Variants in ST7 observed in about 807,000 individuals in gnomAD.
ST7 encodes the protein suppressor of tumorigenicity 7 protein.
ST7 carries 28 observed loss-of-function variants against 78.7 expected under a neutral mutation model. The ratio of observed to expected loss-of-function variants is 0.36; its 90% CI spans 0.26 to 0.49. The LOEUF (loss-of-function observed/expected upper bound fraction) is 0.49, where lower values mean the gene tolerates loss of function less well. Among genes scored for constraint, ST7 ranks in the 20% least tolerant of loss-of-function variants. The pLI is 0.99. For synonymous variants in ST7, 247 were observed against 249.6 expected (o/e 0.99, Z 0.10); for missense variants, 418 against 696.0 (o/e 0.60, Z 4.49).
chr7:116,996,279 C>T (rs1368200820), intron 1 of ST7, among the ~76,000 whole-genome samples: 1 of 152,070 alleles, frequency 6.6e-6, no homozygotes, highest in Non-Finnish European at 1.5e-5. Context: ...GATGGGGTTT[C>T]ACTGTGTTAG....
At chr7:117,177,581 A>G (rs1808436418) in intron 10 of ST7, among the ~76,000 whole-genome samples, 1 of 152,188 alleles carries the variant, frequency 6.6e-6, no homozygotes, top group Non-Finnish European at 1.5e-5. Context: ...TTGGCTTTGT[A>G]GCGTAAGACG....
intron 10 of ST7, among the ~76,000 whole-genome samples, chr7:117,179,681 T>C (rs1808597740): frequency 6.6e-6 from 1 of 151,660 alleles, no homozygotes; most frequent in Non-Finnish European, 1.5e-5. Context: ...AGAAGATGCC[T>C]TGGGTGAGTT....
chr7:117,053,253 A>G (rs1240329776), intron 1 of ST7, among the ~76,000 whole-genome samples: 1 of 152,224 alleles, frequency 6.6e-6, no homozygotes, highest in Non-Finnish European at 1.5e-5. Flanking sequence ...CCAGGCAGCT[A>G]TAGAATAATG....
intron 1 of ST7, among the ~76,000 whole-genome samples, chr7:117,037,630 T>C (rs769113493): frequency 3.3e-5 from 5 of 152,210 alleles, no homozygotes; most frequent in Non-Finnish European, 7.3e-5. Flanking sequence ...TTTTTTTCTA[T>C]TGTTCTCGTG....
chr7:117,020,348 T>C (rs1405463047), intron 1 of ST7: 15 of 474,660 alleles, frequency 3.2e-5, no homozygotes, highest in Non-Finnish European at 3.7e-6. Context: ...ATTTGCCTAG[T>C]GGATTTTCAA....
At chr7:117,001,962 A>G (rs1006260099) in intron 1 of ST7, among the ~76,000 whole-genome samples, 1 of 152,196 alleles carries the variant, frequency 6.6e-6, no homozygotes, top group Non-Finnish European at 1.5e-5. Flanking sequence ...GTGGTGGCTC[A>G]CGCCTGTAAT....
intron 1 of ST7, chr7:117,023,094 G>A (rs574506447): frequency 2.0e-5 from 3 of 152,280 alleles, no homozygotes; most frequent in Admixed American, 6.5e-5. Flanking sequence ...GCCTGTAAGA[G>A]AAGGAAATGT....
chr7:117,138,661 A>T (rs1039810005), intron 9 of ST7, 129 bp downstream of exon 9: 14 of 558,382 alleles, frequency 2.5e-5, no homozygotes, highest in Non-Finnish European at 3.8e-5. Context: ...GTGGGGTTCA[A>T]CTCTAGTTCC....
At chr7:117,229,202 G>A (rs765804151) in intron 15 of ST7, among the ~76,000 whole-genome samples, 10 of 152,210 alleles carry the variant, frequency 6.6e-5, no homozygotes, top group African/African-American at 1.2e-4. Context: ...GGAATAGCCC[G>A]TTTGCCGCCT....
chr7:117,225,302 T>TG (rs1291125822), intron 15 of ST7, among the ~76,000 whole-genome samples: 1 of 152,206 alleles, frequency 6.6e-6, no homozygotes, highest in Non-Finnish European at 1.5e-5. Context: ...AATCTGCCTT[T>TG]AGGGTCCTCA....
intron 9 of ST7, among the ~76,000 whole-genome samples, chr7:117,154,802 G>T (rs776788333): frequency 6.6e-6 from 1 of 152,118 alleles, no homozygotes; most frequent in Non-Finnish European, 1.5e-5. Context: ...TAGGGTGAGG[G>T]TGTTGCTATG....
intron 9 of ST7, chr7:117,146,248 T>C (rs1307151187): frequency 6.6e-6 from 1 of 152,230 alleles, no homozygotes; most frequent in Non-Finnish European, 1.5e-5. Flanking sequence ...TAAAGGCATA[T>C]GTGACTGAAG....
chr7:117,222,128 G>C (rs574448412), intron 15 of ST7, 66 bp downstream of exon 15: 2 of 1,521,664 alleles, frequency 1.3e-6, no homozygotes, highest in Non-Finnish European at 1.7e-6. Flanking sequence ...TAAAAGCAGC[G>C]TGAGAGAAAT....
chr7:117,189,495 C>T lies in ST7; in HGVS notation c.1151+102C>T, dbSNP rs1010373186. ...AAGTTTCTCTTAGGCTATGAGACCC[C>T]TGCTTATAAGCATGCATTTTCCAAA... is the stretch of plus-strand genomic sequence containing the variant. On this transcript the variant is annotated intron_variant, in intron 11 of 15. Coordinates refer to ENST00000323984, the MANE Select transcript of ST7 (RefSeq NM_001369598.1). 6.9e-5 allele frequency: 57 copies of T among 820,630 alleles called. No individual in the cohort carries two copies. The African/African-American group carries it at 8.5e-4, about 12-fold the overall frequency. The allele number at this position is 820,630 out of a possible 1,614,324, so 50.8% of individuals were successfully genotyped here.
intron 1 of ST7, among the ~76,000 whole-genome samples, chr7:117,001,638 G>A (rs1464157434): frequency 6.6e-6 from 1 of 152,170 alleles, no homozygotes; most frequent in Non-Finnish European, 1.5e-5. Context: ...TATATCTTAT[G>A]TAATTGTCAT....
intron 1 of ST7, chr7:116,957,268 C>T (rs1415727175): frequency 6.6e-6 from 1 of 151,990 alleles, no homozygotes; most frequent in Non-Finnish European, 1.5e-5. Context: ...TTAACATTGG[C>T]AATCACATCT....
chr7:117,044,087 G>A (rs1797367724), intron 1 of ST7, among the ~76,000 whole-genome samples: 1 of 151,964 alleles, frequency 6.6e-6, no homozygotes, highest in Non-Finnish European at 1.5e-5. Flanking sequence ...CACATCCCTG[G>A]GATCGGTTCT....
In ST7 at chr7:117,060,333, G is replaced by A. The variant is rs544741086; in HGVS notation, c.152-39429G>A. 5.3e-5 allele frequency among the ~76,000 whole-genome samples: 8 copies of A among 152,260 alleles called. No individual in the cohort carries two copies. The South Asian group carries it at 1.5e-3, about 28-fold the overall frequency. On this transcript the variant is annotated intron_variant, in intron 1 of 15. Transcript: ENST00000323984. ...TGTGGAGAAGGCAAGCAGAATATCAGGTAACTCATGACTGCAAAGCCGTAA... is the reference window on the plus strand; with the variant it reads ...TGTGGAGAAGGCAAGCAGAATATCAAGTAACTCATGACTGCAAAGCCGTAA...
intron 10 of ST7, among the ~76,000 whole-genome samples, chr7:117,172,803 A>G (rs1808096598): frequency 6.6e-6 from 1 of 152,180 alleles, no homozygotes; most frequent in African/African-American, 2.4e-5. Context: ...CCTATACTCA[A>G]TCTGATGTTA....
Sources: gnomAD v4.1 joint callset for allele counts (sites outside exome capture counted in the v4.1 genomes callset) on GRCh38, gnomAD v4.1.1 for gene constraint, MANE v1.5 for transcripts, NCBI Gene and HGNC (gene_info 2026-07-23, HGNC 2026-07-21) for gene names.